The following MSH3 variants were observed in gnomAD, a reference collection of about 807,000 sequenced individuals.
MSH3 encodes the protein mutS homolog 3, also known as DNA mismatch repair protein Msh3.
Under a neutral mutation model 123.3 loss-of-function variants are expected in MSH3, and 106 were observed. The observed-to-expected ratio is 0.86, with a 90% CI of 0.73 to 1.01. MSH3 has a LOEUF of 1.01. Among genes scored for constraint, MSH3 ranks in the 50% least tolerant of loss-of-function variants. MSH3 has a pLI of 0.00. For missense variants in MSH3, 1,459 were observed against 1,347.6 expected (o/e 1.08, Z -1.29); for synonymous variants, 515 against 481.4 (o/e 1.07, Z -0.91).
At chr5:80,739,121 C>T (rs27365) in intron 10 of MSH3, among the ~76,000 whole-genome samples, 18,607 of 152,250 alleles carry the variant, frequency 0.12, 1,308 homozygotes, top group Middle Eastern at 0.2. Flanking sequence ...CTAGAGTCGA[C>T]GTCTGATTAG....
At chr5:80,670,348 G>C (rs761503655) in intron 4 of MSH3, 39 bp downstream of exon 4, 2 of 1,580,612 alleles carry the variant, frequency 1.3e-6, no homozygotes, top group Non-Finnish European at 1.7e-6. Context: ...TATTTTTCTT[G>C]TCTAGCCTTA....
intron 8 of MSH3, among the ~76,000 whole-genome samples, chr5:80,690,988 ATAAT>A (rs766746575): frequency 1.2e-4 from 18 of 152,126 alleles, no homozygotes; most frequent in East Asian, 3.9e-4. Context: ...GTCCATGAAA[ATAAT>A]TAAACTCATA....
At chr5:80,656,571 T>TC in intron 2 of MSH3, 40 bp downstream of exon 2, 2 of 1,612,738 alleles carry the variant, frequency 1.2e-6, no homozygotes, top group Non-Finnish European at 1.7e-6. Context: ...CAGTCATGGC[T>TC]CTGGTATTCT....
intron 7 of MSH3, among the ~76,000 whole-genome samples, chr5:80,677,351 C>G (rs1337116258): frequency 6.6e-6 from 1 of 152,154 alleles, no homozygotes; most frequent in African/African-American, 2.4e-5. Flanking sequence ...ATACATATCA[C>G]ACAGGGTGAT....
intron 12 of MSH3, among the ~76,000 whole-genome samples, chr5:80,744,883 G>C (rs1213983047): frequency 6.6e-6 from 1 of 150,766 alleles, no homozygotes; most frequent in Non-Finnish European, 1.5e-5. Context: ...GGTTTTGAAG[G>C]CTAGACTGAG....
intron 12 of MSH3, among the ~76,000 whole-genome samples, chr5:80,760,936 G>A (rs1418554863): frequency 1.3e-5 from 2 of 152,184 alleles, no homozygotes; most frequent in Non-Finnish European, 2.9e-5. Flanking sequence ...ACTGGGAAAT[G>A]TAGTCTTTGT....
chr5:80,735,763 G>A (rs558032551), intron 10 of MSH3, among the ~76,000 whole-genome samples: 9 of 152,168 alleles, frequency 5.9e-5, no homozygotes, highest in African/African-American at 1.2e-4. Flanking sequence ...AAAATTGCCC[G>A]TGTTCTAAAA....
At chr5:80,725,230 A>G (rs1347180414) in intron 8 of MSH3, among the ~76,000 whole-genome samples, 2 of 151,446 alleles carry the variant, frequency 1.3e-5, no homozygotes, top group Non-Finnish European at 2.9e-5. Context: ...AAAAAAAAAA[A>G]AAAGATAATA....
intron 22 of MSH3, among the ~76,000 whole-genome samples, chr5:80,870,174 CAAAAAAAAA>C (rs745491509): frequency 1.9e-5 from 2 of 105,886 alleles, no homozygotes; most frequent in African/African-American, 7.2e-5. Flanking sequence ...AACTCCGTCT[CAAAAAAAAA>C]AAAAAAAAAA....
At chr5:80,862,586 C>T (rs1159163537) in intron 21 of MSH3, among the ~76,000 whole-genome samples, 1 of 151,952 alleles carries the variant, frequency 6.6e-6, no homozygotes, top group African/African-American at 2.4e-5. Flanking sequence ...TGAGACCCCT[C>T]TCTACAAAAA....
At chr5:80,853,580 T>A (rs1432509881) in intron 20 of MSH3, among the ~76,000 whole-genome samples, 1 of 152,224 alleles carries the variant, frequency 6.6e-6, no homozygotes, top group African/African-American at 2.4e-5. Flanking sequence ...CTGTAGGAAC[T>A]GTTTCATAAA....
At chr5:80,668,445 C>G (rs1210655090) in intron 3 of MSH3, among the ~76,000 whole-genome samples, 1 of 152,168 alleles carries the variant, frequency 6.6e-6, no homozygotes, top group Admixed American at 6.5e-5. Context: ...TGCAGGACAG[C>G]TCTGAGCTGC....
At chr5:80,800,448 G>C (rs986116149) in intron 19 of MSH3, among the ~76,000 whole-genome samples, 1 of 152,104 alleles carries the variant, frequency 6.6e-6, no homozygotes, top group Non-Finnish European at 1.5e-5. Flanking sequence ...ATGCTAACTG[G>C]TCCTGCCGAT....
intron 19 of MSH3, among the ~76,000 whole-genome samples, chr5:80,810,168 C>CGTACATAT (rs1561485613): frequency 3.1e-5 from 1 of 32,036 alleles, no homozygotes; most frequent in East Asian, 1.7e-3. Context: ...TTTTGTTTGA[C>CGTACATAT]ATACATATAT....
rs1210236774 is a variant in MSH3 at position 80,833,137 on chromosome 5, G to T, written c.2813+19396G>T. ...TGACCTATATAAGGGTTATAGGCGAGGAGGGGAGTAGGGGGATTAGAAAGA... is the reference window on the plus strand; with the variant it reads ...TGACCTATATAAGGGTTATAGGCGATGAGGGGAGTAGGGGGATTAGAAAGA... On this transcript the variant is annotated intron_variant, in intron 20 of 23. Coordinates refer to ENST00000265081, the MANE Select transcript of MSH3 (RefSeq NM_002439.5). 2.0e-5 allele frequency among the ~76,000 whole-genome samples: 3 copies of T among 152,080 alleles called. No homozygotes were observed. In the South Asian group the frequency reaches 6.2e-4, roughly 31 times the overall value.
intron 12 of MSH3, among the ~76,000 whole-genome samples, chr5:80,752,518 A>G (rs1743855896): frequency 6.6e-6 from 1 of 152,166 alleles, no homozygotes; most frequent in Non-Finnish European, 1.5e-5. Flanking sequence ...TTTGGAGTTA[A>G]TGATACTTCA....
chr5:80,770,984 CT>C (rs1260876054), intron 15 of MSH3, among the ~76,000 whole-genome samples: 3 of 152,060 alleles, frequency 2.0e-5, no homozygotes, highest in Admixed American at 6.5e-5. Context: ...TATCTTTTAT[CT>C]TTACTAGGTT....
intron 16 of MSH3, among the ~76,000 whole-genome samples, chr5:80,776,916 A>G (rs1288515727): frequency 7.8e-6 from 1 of 128,392 alleles, no homozygotes; most frequent in East Asian, 3.0e-4. Flanking sequence ...ATACAAATAT[A>G]TATATATATA....
chr5:80,718,066 G>C (rs1750999670), intron 8 of MSH3, among the ~76,000 whole-genome samples: 1 of 152,166 alleles, frequency 6.6e-6, no homozygotes, highest in Non-Finnish European at 1.5e-5. Context: ...AGATATAGAA[G>C]AAGGCTGCTG....
Sources: allele counts gnomAD v4.1 joint callset (sites outside exome capture counted in the v4.1 genomes callset), GRCh38; gene constraint gnomAD v4.1.1; transcripts MANE v1.5; gene names NCBI Gene and HGNC (gene_info 2026-07-23, HGNC 2026-07-21).